Variants in KLF7 observed in about 807,000 individuals in gnomAD.
The protein encoded by KLF7 is Krueppel-like factor 7.
A neutral mutation model predicts 27.3 loss-of-function variants in KLF7; 2 were observed. The observed-to-expected ratio is 0.07, with a 90% CI of 0.03 to 0.23. The LOEUF is 0.23. KLF7 is among the 10% of genes least tolerant of loss of function. The probability of loss-of-function intolerance (pLI) is 1.00; values close to 1 mark genes in which losing one functional copy is unlikely to be tolerated. For missense variants in KLF7, 221 were observed against 394.1 expected, an observed-to-expected ratio of 0.56 and a Z score of 3.72; for synonymous variants, 165 against 162.4, an observed-to-expected ratio of 1.02 and a Z score of -0.12.
intron 3 of KLF7, among the ~76,000 whole-genome samples, chr2:207,084,540 A>G (rs2076344365): frequency 1.3e-5 from 2 of 152,204 alleles, no homozygotes; most frequent in Non-Finnish European, 2.9e-5. Context: ...AAATTCCAAA[A>G]AAAAAATGTA....
chr2:207,131,932 A>G (rs1204405522), intron 1 of KLF7, among the ~76,000 whole-genome samples: 1 of 152,166 alleles, frequency 6.6e-6, no homozygotes, highest in Middle Eastern at 3.2e-3. Flanking sequence ...CATTATAAAT[A>G]GGCTTGAGGA....
chr2:207,160,663 C>A (rs1317590709), intron 1 of KLF7, among the ~76,000 whole-genome samples: 1 of 152,154 alleles, frequency 6.6e-6, no homozygotes, highest in Non-Finnish European at 1.5e-5. Flanking sequence ...AAAGTTAAAA[C>A]GCAAGAATTC....
At position 207,075,941 on chromosome 2, in the gene KLF7, C is replaced by G. The variant is rs2076168922; in HGVS notation, c.*5272G>C. 6.6e-6 allele frequency: 1 copy of G among 152,104 alleles called. No homozygotes were observed. Among genetic ancestry groups the G allele is most frequent in the Non-Finnish European group, 1.5e-5 (1 of 68,016 alleles). 9.4% of individuals were successfully genotyped at this position (152,104 alleles called of 1,614,324 possible). A position where few individuals can be genotyped will look rare whatever the true frequency, so the allele number is the denominator to read the frequency against. On this transcript the variant is annotated 3_prime_UTR_variant, in exon 4 of 4. Coordinates refer to ENST00000309446, the MANE Select transcript of KLF7 (RefSeq NM_003709.4). ...TAGGTTTGCAGAAATCGTTCTGCCT[C>G]CAGTCCAAAGGCCTAGGTTTAAAAT...
chr2:207,137,374 T>C (rs2077817781), intron 1 of KLF7, among the ~76,000 whole-genome samples: 1 of 152,152 alleles, frequency 6.6e-6, no homozygotes, highest in African/African-American at 2.4e-5. Context: ...CACACACCAC[T>C]TACACAGGTG....
At chr2:207,143,737 A>G (rs957047337) in intron 1 of KLF7, among the ~76,000 whole-genome samples, 14 of 152,186 alleles carry the variant, frequency 9.2e-5, no homozygotes, top group Non-Finnish European at 1.9e-4. Flanking sequence ...GCCTTCAGCG[A>G]GGGCTCCAGG....
chr2:207,084,601 T>C (rs1293346417), intron 3 of KLF7, among the ~76,000 whole-genome samples: 1 of 152,170 alleles, frequency 6.6e-6, no homozygotes, highest in African/African-American at 2.4e-5. Context: ...TTTATTTAAA[T>C]TCAATACCCC....
At chr2:207,105,530 G>T (rs766686521) in intron 2 of KLF7, among the ~76,000 whole-genome samples, 2 of 152,098 alleles carry the variant, frequency 1.3e-5, no homozygotes, top group Non-Finnish European at 2.9e-5. Flanking sequence ...CATCATGCTG[G>T]GGTTTTCTAG....
Position 207,123,992 on chromosome 2 carries a change from G to A in KLF7, c.515C>T (p.Ala172Val), listed in dbSNP as rs367917697. 1.2e-6 allele frequency: 2 copies of A among 1,614,204 alleles called. No individual in the cohort carries two copies. Among genetic ancestry groups the A allele is most frequent in the Non-Finnish European group, 1.7e-6 (2 of 1,180,032 alleles). The change falls in exon 2 of 4, where the codon GCT (alanine) becomes GTT (valine). Residue 172 changes from alanine (A) to valine (V), a missense_variant. By Grantham distance (64) the Ala-to-Val change is moderately conservative. Around this residue, in one of 3 missense-constraint regions of KLF7, gnomAD observed 180 missense variants for 227.9 expected, o/e 0.79. Coordinates refer to ENST00000309446, the MANE Select transcript of KLF7 (RefSeq NM_003709.4). The stretch of plus-strand genomic sequence containing the variant: ...CCCTCCCACCTTTACGGAGCTGAGA[G>A]CAGCCTTCTTGGCCACCAGTTTCAA... ...VTLKLVAKKA[A>V]LSSVKVGGVA...
At chr2:207,115,693 G>A (rs776195601) in intron 2 of KLF7, among the ~76,000 whole-genome samples, 1 of 152,158 alleles carries the variant, frequency 6.6e-6, no homozygotes, top group Non-Finnish European at 1.5e-5. Flanking sequence ...GGATGGTGCT[G>A]GAGTAAAGTG....
At chr2:207,087,211 C>T (rs1018018881) in intron 3 of KLF7, among the ~76,000 whole-genome samples, 5 of 152,162 alleles carry the variant, frequency 3.3e-5, no homozygotes, top group Admixed American at 6.5e-5. Context: ...TACACTTCCT[C>T]AGCCCTGGAG....
At chr2:207,166,017 T>TC (rs201738328), upstream of KLF7, 657 of 951,234 alleles carry the variant, frequency 6.9e-4, 1 homozygote, top group South Asian at 4.5e-3. Context: ...TCGCTTCTCT[T>TC]CCCCCCCCTT....
At chr2:207,172,049 CTGAG>C (rs1449653070), upstream of KLF7, among the ~76,000 whole-genome samples, 6 of 152,308 alleles carry the variant, frequency 3.9e-5, no homozygotes, top group East Asian at 1.2e-3. Flanking sequence ...CCCTGACATA[CTGAG>C]TATTTTGAGC....
intron 2 of KLF7, among the ~76,000 whole-genome samples, chr2:207,092,121 A>G (rs1367402386): frequency 6.6e-6 from 1 of 152,206 alleles, no homozygotes; most frequent in Non-Finnish European, 1.5e-5. Flanking sequence ...TCTCCTGGGT[A>G]TAAAACAGAA....
chr2:207,108,735 G>T (rs946055656), intron 2 of KLF7, among the ~76,000 whole-genome samples: 3 of 152,162 alleles, frequency 2.0e-5, no homozygotes, highest in Non-Finnish European at 2.9e-5. Context: ...CCAATGAATA[G>T]ATTTACAATT....
upstream of KLF7, among the ~76,000 whole-genome samples, chr2:207,169,547 A>G (rs1194507601): frequency 2.0e-5 from 3 of 152,194 alleles, no homozygotes; most frequent in Non-Finnish European, 4.4e-5. Flanking sequence ...ATTCTGTCCT[A>G]TATGGGCATA....
intron 1 of KLF7, among the ~76,000 whole-genome samples, chr2:207,146,440 T>C (rs1406899038): frequency 6.6e-6 from 1 of 152,166 alleles, no homozygotes; most frequent in Admixed American, 6.5e-5. Context: ...GTCAGACCAA[T>C]ATAAAGCTGT....
chr2:207,126,278 G>A (rs1444505540), intron 1 of KLF7, among the ~76,000 whole-genome samples: 1 of 152,040 alleles, frequency 6.6e-6, no homozygotes, highest in Non-Finnish European at 1.5e-5. Flanking sequence ...ATTGATTTCT[G>A]AATTATAAGA....
At chr2:207,133,682 G>A (rs1264911576) in intron 1 of KLF7, among the ~76,000 whole-genome samples, 1 of 152,134 alleles carries the variant, frequency 6.6e-6, no homozygotes, top group African/African-American at 2.4e-5. Context: ...TACAGCCTCT[G>A]CACCTGTGTC....
At chr2:207,085,983 G>A (rs1333458649) in intron 3 of KLF7, among the ~76,000 whole-genome samples, 2 of 117,784 alleles carry the variant, frequency 1.7e-5, no homozygotes, top group Admixed American at 7.8e-5. Flanking sequence ...TTTAAATGTT[G>A]GCCAAAAAAA....
Sources: allele counts gnomAD v4.1 joint callset (sites outside exome capture counted in the v4.1 genomes callset), GRCh38; gene constraint gnomAD v4.1.1; regional missense constraint gnomAD v4.1.1; transcripts MANE v1.5; gene names NCBI Gene and HGNC (gene_info 2026-07-23, HGNC 2026-07-21).